Variants in MINAR1 observed in about 807,000 individuals in gnomAD.
The protein encoded by MINAR1 is major intrinsically disordered Notch2-binding receptor 1.
In MINAR1, 40 loss-of-function variants were observed where a neutral mutation model predicts 65.1. The observed-to-expected ratio is 0.61, with a 90% CI of 0.48 to 0.80. The LOEUF (loss-of-function observed/expected upper bound fraction) is 0.80, where lower values mean the gene tolerates loss of function less well. MINAR1 is among the 30% of genes least tolerant of loss of function. MINAR1 has a pLI of 0.00. For missense variants in MINAR1, 1,128 were observed against 1,148.0 expected (o/e 0.98, Z 0.25); for synonymous variants, 482 against 449.1 (o/e 1.07, Z -0.93).
chr15:79,421,793 G>C, the MINAR1 span: 1 of 152,264 alleles, frequency 6.6e-6, no homozygotes, highest in Non-Finnish European at 1.5e-5. Flanking sequence ...ACAAATCCCA[G>C]GCAAAGCGAG....
intron 3 of MINAR1, 64 bp downstream of exon 3, chr15:79,463,385 G>A (rs1464184131): frequency 6.3e-7 from 1 of 1,582,526 alleles, no homozygotes; most frequent in Non-Finnish European, 8.6e-7. Context: ...GCCCTGGAAT[G>A]GATCACGGAC....
the MINAR1 span, chr15:79,419,079 T>C: frequency 3.9e-5 from 6 of 152,226 alleles, no homozygotes; most frequent in Admixed American, 3.9e-4. Context: ...GGACTTCAGA[T>C]ATAATGTGAT....
At chr15:79,446,347 T>A (rs1216554027) in intron 1 of MINAR1, among the ~76,000 whole-genome samples, 2 of 152,128 alleles carry the variant, frequency 1.3e-5, no homozygotes, top group African/African-American at 2.4e-5. Flanking sequence ...ATTTATCACC[T>A]TATTTCCTCT....
intron 1 of MINAR1, among the ~76,000 whole-genome samples, chr15:79,452,465 G>A (rs1895244864): frequency 6.7e-6 from 1 of 148,668 alleles, no homozygotes; most frequent in African/African-American, 2.5e-5. Context: ...TGTGAGTCTG[G>A]GTGTGAAGCT....
At chr15:79,424,394 A>G in the MINAR1 span, 1 of 152,224 alleles carries the variant, frequency 6.6e-6, no homozygotes, top group Admixed American at 6.5e-5. Context: ...TTCTTTTTGA[A>G]GTTCAGTCTA....
chr15:79,466,703 C>A (rs370606899), intron 3 of MINAR1, among the ~76,000 whole-genome samples: 1 of 152,142 alleles, frequency 6.6e-6, no homozygotes, highest in Non-Finnish European at 1.5e-5. Flanking sequence ...GCAGGGCCTG[C>A]GGGTTGTCAG....
chr15:79,416,025 T>A, the MINAR1 span: 2 of 152,242 alleles, frequency 1.3e-5, no homozygotes, highest in African/African-American at 2.4e-5. Flanking sequence ...TTTGTTGCAA[T>A]GGTAATACAC....
At position 79,468,616 on chromosome 15, in the gene MINAR1, C is replaced by A; in HGVS notation, c.*232C>A. 1 of 532,792 alleles carries A rather than the reference C, an allele frequency of 1.9e-6. No homozygotes were observed. Among genetic ancestry groups the A allele is most frequent in the Non-Finnish European group, 3.3e-6 (1 of 300,322 alleles). 33.0% of individuals were successfully genotyped at this position (532,792 alleles called of 1,614,324 possible). ...TGACGCATTTTTAGAAGTGCAATATCTTTTCCTACCAAAAGAACATCATGG... is the reference window on the plus strand; with the variant it reads ...TGACGCATTTTTAGAAGTGCAATATATTTTCCTACCAAAAGAACATCATGG... On this transcript the variant is annotated 3_prime_UTR_variant, in exon 4 of 4. Transcript: ENST00000305428.
In MINAR1 at chr15:79,456,987, A is replaced by G. The variant is rs544851640; in HGVS notation, c.840A>G (p.Lys280=). 4.9e-5 allele frequency: 79 copies of G among 1,614,062 alleles called. No homozygotes were observed. The highest frequency in any genetic ancestry group is 6.7e-5 in the Non-Finnish European group (79 of 1,180,038). ...CCAGTTTGGTTGGCCCCATCAGCAAAGCAGAGAATGAGCACAGGGAACCCC... is the reference window on the plus strand; with the variant it reads ...CCAGTTTGGTTGGCCCCATCAGCAAGGCAGAGAATGAGCACAGGGAACCCC... The part of the protein sequence containing the change: ...VSPSLVGPIS[K]AENEHREPQS... Residue 280 remains lysine (K), a synonymous_variant, in exon 2 of 4, where the codon AAA becomes AAG. Coordinates refer to ENST00000305428, the MANE Select transcript of MINAR1 (RefSeq NM_015206.3).
At chr15:79,434,554 G>T (rs115044875) in intron 1 of MINAR1, among the ~76,000 whole-genome samples, 177 of 152,322 alleles carry the variant, frequency 1.2e-3, no homozygotes, top group African/African-American at 3.8e-3. Flanking sequence ...GCTGGGCAGG[G>T]ATTTAAAGGC....
Position 79,463,305 on chromosome 15 carries a change from C to T in MINAR1, c.2537C>T (p.Thr846Ile). The T allele has an allele frequency of 1.2e-6, 2 of 1,613,250 alleles. No individual in the cohort carries two copies. Among genetic ancestry groups the T allele is most frequent in the African/African-American group, 1.3e-5 (1 of 75,024 alleles). The part of the protein sequence containing the change: ...ARNAGDKGKL[T>I]ALDLQTQESL... ...AATGCGGGCGACAAGGGCAAGCTGACAGCCCTGGACCTGCAGGTGAGCCTC... is the reference window on the plus strand; with the variant it reads ...AATGCGGGCGACAAGGGCAAGCTGATAGCCCTGGACCTGCAGGTGAGCCTC... Residue 846 changes from threonine (T) to isoleucine (I), a missense_variant, in exon 3 of 4, where the codon ACA (threonine) becomes ATA (isoleucine). Thr to Ile is a moderately conservative substitution (Grantham distance 89, BLOSUM62 -1). Coordinates refer to ENST00000305428, the MANE Select transcript of MINAR1 (RefSeq NM_015206.3).
At chr15:79,452,330 A>T (rs1361082883) in intron 1 of MINAR1, among the ~76,000 whole-genome samples, 1 of 151,046 alleles carries the variant, frequency 6.6e-6, no homozygotes, top group Non-Finnish European at 1.5e-5. Flanking sequence ...GTGTGTCTGG[A>T]TGAGTGTGAC....
At position 79,456,800 on chromosome 15, in the gene MINAR1, T is replaced by A; in HGVS notation, c.653T>A (p.Met218Lys). The change falls in exon 2 of 4, where the codon ATG (methionine) becomes AAG (lysine). Residue 218 changes from methionine to lysine, a missense_variant. By Grantham distance (95) the Met-to-Lys change is moderately conservative (BLOSUM62 -1). Coordinates refer to ENST00000305428, the MANE Select transcript of MINAR1 (RefSeq NM_015206.3). ...GAGATGCAGAGGACCTACTTCCCCA[T>A]GAACATCGAAAACGAGTCCATTTCA... ...PCEMQRTYFP[M>K]NIENESISDQ... is the part of the protein sequence containing the mutation. 2 of 1,614,146 alleles carry A rather than the reference T, an allele frequency of 1.2e-6. No individual in the cohort carries two copies. Among genetic ancestry groups the A allele is most frequent in the Non-Finnish European group, 1.7e-6 (2 of 1,180,036 alleles).
At position 79,458,852 on chromosome 15, in the gene MINAR1, T is replaced by A. The variant is rs142384456; in HGVS notation, c.2298+407T>A. Among the ~76,000 whole-genome samples the A allele has an allele frequency of 9.2e-5, 14 of 152,334 alleles. No individual in the cohort carries two copies. In the East Asian group the frequency reaches 2.5e-3, roughly 27 times the overall value. On this transcript the variant is annotated intron_variant, in intron 2 of 3. Transcript: ENST00000305428. Reference sequence around the variant, plus strand: ...TACTGAAAAGGTGCTGGCTGATACATCTTTTTCATGGACTTCATTGTATGT... The same window carrying A: ...TACTGAAAAGGTGCTGGCTGATACAACTTTTTCATGGACTTCATTGTATGT...
At chr15:79,442,953 C>G (rs1204483085) in intron 1 of MINAR1, among the ~76,000 whole-genome samples, 1 of 152,126 alleles carries the variant, frequency 6.6e-6, no homozygotes, top group Non-Finnish European at 1.5e-5. Context: ...CCACCTGCCA[C>G]TTGTTTTGTT....
At chr15:79,419,516 T>C in the MINAR1 span, 1 of 152,172 alleles carries the variant, frequency 6.6e-6, no homozygotes, top group African/African-American at 2.4e-5. Flanking sequence ...TATCTAGAAA[T>C]GACTGCAAGT....
rs2141295008 is a variant in MINAR1, at chr15:79,457,184, T to C, written c.1037T>C (p.Met346Thr). The C allele has an allele frequency of 3.7e-6, 6 of 1,614,156 alleles. No homozygotes were observed. The highest frequency in any genetic ancestry group is 5.1e-6 in the Non-Finnish European group (6 of 1,180,016). Residue 346 changes from methionine to threonine, a missense_variant, in exon 2 of 4, where the codon ATG becomes ACG. Physicochemically the swap from Met to Thr is moderately conservative, Grantham distance 81. Coordinates refer to ENST00000305428, the MANE Select transcript of MINAR1 (RefSeq NM_015206.3). ...ASTYFGPTPV[M>T]GTQEARRCLG... ...ACATATTTTGGGCCCACTCCCGTGA[T>C]GGGAACCCAAGAAGCCAGGCGCTGT...
intron 3 of MINAR1, among the ~76,000 whole-genome samples, chr15:79,467,515 C>T (rs771033522): frequency 1.3e-5 from 2 of 152,152 alleles, no homozygotes; most frequent in Non-Finnish European, 2.9e-5. Flanking sequence ...GATCAGCAGA[C>T]AAATGTCAGT....
intron 1 of MINAR1, among the ~76,000 whole-genome samples, chr15:79,445,811 G>A: frequency 6.6e-6 from 1 of 152,196 alleles, no homozygotes; most frequent in East Asian, 1.9e-4. Flanking sequence ...GCCTCCCAAA[G>A]TGCTGGGATT....
Sources: allele counts gnomAD v4.1 joint callset (sites outside exome capture counted in the v4.1 genomes callset), GRCh38; gene constraint gnomAD v4.1.1; transcripts MANE v1.5; gene names NCBI Gene and HGNC (gene_info 2026-07-23, HGNC 2026-07-21).